SLC22A12: variants seen among roughly 807,000 people sequenced by gnomAD.
SLC22A12 encodes organic anion transporter 4-like protein.
A neutral mutation model predicts 52.7 loss-of-function variants in SLC22A12; 56 were observed. That is an observed-to-expected ratio of 1.06 (90% CI 0.86 to 1.33). The LOEUF is 1.33. Among genes scored for constraint, SLC22A12 ranks in the 40% most tolerant of loss-of-function variants. The probability of loss-of-function intolerance (pLI) is 0.00; values close to 1 mark genes in which losing one functional copy is unlikely to be tolerated. For missense variants in SLC22A12, 683 were observed against 741.5 expected (o/e 0.92, Z 0.92); for synonymous variants, 337 against 324.6 (o/e 1.04, Z -0.41).
In SLC22A12 at chr11:64,591,651, G is replaced by A; in HGVS notation, c.95G>A (p.Cys32Tyr). ...MALMVSIMWL[C>Y]TQSMLENFSA... ...CTGATGGTCTCCATCATGTGGCTGT[G>A]TACCCAGAGCATGCTGGAGAACTTC... The change falls in exon 1 of 10, where the codon TGT (cysteine) becomes TAT (tyrosine). Residue 32 changes from cysteine (C) to tyrosine (Y), a missense_variant. Cys to Tyr is a radical substitution (Grantham distance 194). Transcript: ENST00000377574. The A allele has an allele frequency of 6.2e-7, 1 of 1,613,124 alleles. No homozygotes were observed. The highest frequency in any genetic ancestry group is 8.5e-7 in the Non-Finnish European group (1 of 1,180,036).
intron 4 of SLC22A12, among the ~76,000 whole-genome samples, chr11:64,595,677 T>C (rs1001968922): frequency 7.6e-5 from 11 of 143,904 alleles, no homozygotes; most frequent in South Asian, 2.2e-4. Context: ...TTGTAATAGA[T>C]GGATGGATGG....
chr11:64,600,522 T>C lies in SLC22A12; in HGVS notation c.1394+47T>C, dbSNP rs1377589065. On this transcript the variant is annotated intron_variant, in intron 8 of 9. Coordinates refer to ENST00000377574, the MANE Select transcript of SLC22A12 (RefSeq NM_144585.4). The stretch of plus-strand genomic sequence containing the variant: ...AGGAGAGGGGAGCCCTGGGCTGAGC[T>C]GCGGGGCACCCCCAGGCAGGACTGG... The C allele has an allele frequency of 3.3e-6, 5 of 1,495,440 alleles. No individual in the cohort carries two copies. In the Admixed American group the frequency reaches 5.8e-5, roughly 17 times the overall value. The allele number at this position is 1,495,440 out of a possible 1,614,324, so 92.6% of individuals were successfully genotyped here.
intron 4 of SLC22A12, among the ~76,000 whole-genome samples, chr11:64,595,442 GATGGATGGATGGA>G (rs1262323149): frequency 8.5e-5 from 12 of 141,712 alleles, no homozygotes; most frequent in Non-Finnish European, 1.4e-4. Flanking sequence ...ATGGATGGAT[GATGGATGGATGGA>G]ATGGATGGAT....
Position 64,598,536 on chromosome 11 carries a change from G to A in SLC22A12, c.851G>A (p.Arg284Gln), listed in dbSNP as rs946635471. 29 of 1,591,538 alleles carry A rather than the reference G, an allele frequency of 1.8e-5. No homozygotes were observed. Among genetic ancestry groups the A allele is most frequent in the African/African-American group, 2.7e-5 (2 of 74,516 alleles). Residue 284 changes from arginine to glutamine, a missense_variant, in exon 5 of 10, where the codon CGA becomes CAA. Coordinates refer to ENST00000377574, the MANE Select transcript of SLC22A12 (RefSeq NM_144585.4). ...TTAAGGTGGCTGGCAGAGTCGGCAC[G>A]ATGGCTCCTCACCACAGGCAGGCTG... ...LYSWWLAESA[R>Q]WLLTTGRLDW...
intron 4 of SLC22A12, among the ~76,000 whole-genome samples, chr11:64,595,048 G>GTGGATGGATGGGTGGA (rs2039076901): frequency 2.0e-5 from 1 of 51,226 alleles, no homozygotes; most frequent in African/African-American, 6.0e-5. Context: ...GGATGGATGG[G>GTGGATGGATGGGTGGA]TGGATGGATG....
Position 64,601,574 on chromosome 11 carries a change from G to T in SLC22A12, c.*23G>T. 1 of 1,612,850 alleles carries T rather than the reference G, an allele frequency of 6.2e-7. No homozygotes were observed. The highest frequency in any genetic ancestry group is 8.5e-7 in the Non-Finnish European group (1 of 1,179,150). ...TAGCCTCCTGGGGAACCTGCGATGG[G>T]ACGGTCAGAGGAAGAGACTTCTTCT... On this transcript the variant is annotated 3_prime_UTR_variant, in exon 10 of 10. Coordinates refer to ENST00000377574, the MANE Select transcript of SLC22A12 (RefSeq NM_144585.4).
chr11:64,598,483 G>C, intron 4 of SLC22A12, 33 bp from the exon 5 acceptor site: 1 of 1,554,288 alleles, frequency 6.4e-7, no homozygotes. Flanking sequence ...GGGGCCACAG[G>C]CAATGACCCC....
At chr11:64,595,291 TTGGATGGATGGATGGA>T (rs200650711) in intron 4 of SLC22A12, among the ~76,000 whole-genome samples, 30 of 37,784 alleles carry the variant, frequency 7.9e-4, no homozygotes, top group Non-Finnish European at 1.1e-3. Flanking sequence ...GAATGGATGG[TTGGATGGATGGATGGA>T]TGGATGGATG....
rs775916519 is a variant in SLC22A12 at position 64,598,653 on chromosome 11, C to T, written c.954+14C>T. On this transcript the variant is annotated intron_variant, in intron 5 of 9. Transcript: ENST00000377574. ...CTGACCCCTGAGGTAAGGCTGGGTC[C>T]TCCTCAAACCCGGACCCTCAGACCC... 5.0e-6 allele frequency: 8 copies of T among 1,608,304 alleles called. No individual in the cohort carries two copies. Among genetic ancestry groups the T allele is most frequent in the East Asian group, 2.2e-5 (1 of 44,674 alleles).
At position 64,599,703 on chromosome 11, in the gene SLC22A12, C is replaced by T. The variant is rs2039386939; in HGVS notation, c.1098C>T (p.Gly366=). 6.3e-7 allele frequency: 1 copy of T among 1,576,594 alleles called. No homozygotes were observed. Among genetic ancestry groups the T allele is most frequent in the Non-Finnish European group, 8.6e-7 (1 of 1,157,562 alleles). Residue 366 remains glycine (G), a synonymous_variant, in exon 7 of 10, where the codon GGC becomes GGT. Coordinates refer to ENST00000377574, the MANE Select transcript of SLC22A12 (RefSeq NM_144585.4). ...TCGCCTTTGGCTTCACCTTCTTCGG[C>T]CTGGCCCTGGACCTGCAGGCCCTGG... ...CWFAFGFTFF[G]LALDLQALGS...
rs1012808849 is a variant in SLC22A12 at position 64,591,434 on chromosome 11, G to A, written c.-123G>A. Reference sequence around the variant, plus strand: ...GGCCCCGAGTCTGTGAAGCCTAGCCGCTGGGCTGGAGAAGCCACTGTGGGC... The same window carrying A: ...GGCCCCGAGTCTGTGAAGCCTAGCCACTGGGCTGGAGAAGCCACTGTGGGC... On this transcript the variant is annotated 5_prime_UTR_variant, in exon 1 of 10. Coordinates refer to ENST00000377574, the MANE Select transcript of SLC22A12 (RefSeq NM_144585.4). 26 of 1,318,800 alleles carry A rather than the reference G, an allele frequency of 2.0e-5. No homozygotes were observed. Among genetic ancestry groups the A allele is most frequent in the Admixed American group, 4.0e-5 (2 of 50,584 alleles). 81.7% of individuals were successfully genotyped at this position (1,318,800 alleles called of 1,614,324 possible).
chr11:64,593,002 C>G, intron 2 of SLC22A12, 120 bp downstream of exon 2: 1 of 918,020 alleles, frequency 1.1e-6, no homozygotes, highest in African/African-American at 1.6e-5. Context: ...GCCCTACTTG[C>G]TGGGTGTGGG....
intron 2 of SLC22A12, 68 bp downstream of exon 2, chr11:64,592,950 G>A (rs1043162899): frequency 1.2e-5 from 17 of 1,425,608 alleles, no homozygotes; most frequent in African/African-American, 5.6e-5. Flanking sequence ...GACCCTGGCC[G>A]ACTGGCCCCA....
intron 1 of SLC22A12, 67 bp downstream of exon 1, chr11:64,592,025 C>A: frequency 6.3e-7 from 1 of 1,575,696 alleles, no homozygotes; most frequent in South Asian, 1.1e-5. Flanking sequence ...CACGGTGGGT[C>A]AGACTCAAAG....
intron 7 of SLC22A12, 130 bp from the exon 8 acceptor site, chr11:64,600,237 C>A: frequency 1.2e-6 from 1 of 801,024 alleles, no homozygotes; most frequent in Non-Finnish European, 2.1e-6. Context: ...GACAGGATAC[C>A]CAGATGGAGA....
At chr11:64,600,249 G>C in intron 7 of SLC22A12, 118 bp from the exon 8 acceptor site, 1 of 834,552 alleles carries the variant, frequency 1.2e-6, no homozygotes, top group Non-Finnish European at 2.0e-6. Context: ...AGATGGAGAT[G>C]ACTCCCAAAC....
chr11:64,591,706 G>A lies in SLC22A12; in HGVS notation c.150G>A (p.Trp50Ter). Residue 50 changes from tryptophan to a stop codon, truncating the protein, a stop_gained, in exon 1 of 10, where the codon TGG (tryptophan) becomes TGA (stop). Transcript: ENST00000377574. LOFTEE classifies it high-confidence loss of function. ...CCGCCGTGCCCAGCCACCGCTGCTG[G>A]GCACCCCTCCTGGACAACAGCACGG... ...FSAAVPSHRC[W>*]APLLDNSTAQ... The A allele has an allele frequency of 6.2e-7, 1 of 1,612,530 alleles. No homozygotes were observed. Among genetic ancestry groups the A allele is most frequent in the Non-Finnish European group, 8.5e-7 (1 of 1,180,016 alleles).
chr11:64,601,031 G>A, intron 9 of SLC22A12, 93 bp downstream of exon 9: 1 of 1,509,802 alleles, frequency 6.6e-7, no homozygotes, highest in Non-Finnish European at 9.0e-7. Flanking sequence ...ACTTGACAGA[G>A]GCGGAAGCAG....
rs773237564 is a variant in SLC22A12, at chr11:64,598,869, C to A, written c.1016C>A (p.Thr339Asn). The A allele has an allele frequency of 1.2e-6, 2 of 1,612,812 alleles. No individual in the cohort carries two copies. The highest frequency in any genetic ancestry group is 1.7e-6 in the Non-Finnish European group (2 of 1,179,996). The change falls in exon 6 of 10, where the codon ACC becomes AAC. Residue 339 changes from threonine (T) to asparagine (N), a missense_variant. By Grantham distance (65) the Thr-to-Asn change is moderately conservative. Transcript: ENST00000377574. ...GGCCAGCCTCCTGCCAGCCTGGGCA[C>A]CCTGCTCCGCATGCCCGGACTGCGC... Reference protein sequence around the residue: ...SMGQPPASLGTLLRMPGLRFR... With the variant: ...SMGQPPASLGNLLRMPGLRFR...
Sources: allele counts gnomAD v4.1 joint callset (sites outside exome capture counted in the v4.1 genomes callset), GRCh38; gene constraint gnomAD v4.1.1; transcripts MANE v1.5; gene names NCBI Gene and HGNC (gene_info 2026-07-23, HGNC 2026-07-21).